The following SRC variants were observed in gnomAD, a reference collection of about 807,000 sequenced individuals.
SRC encodes proto-oncogene tyrosine-protein kinase Src.
SRC carries 13 observed loss-of-function variants against 62.9 expected under a neutral mutation model. That is an observed-to-expected ratio of 0.21 (90% CI 0.13 to 0.33). SRC has a LOEUF of 0.33. Among genes scored for constraint, SRC ranks in the 10% least tolerant of loss-of-function variants. The pLI, the probability that SRC is intolerant of heterozygous loss-of-function variation, is 1.00. For synonymous variants in SRC, 302 were observed against 317.5 expected, an observed-to-expected ratio of 0.95 and a Z score of 0.52; for missense variants, 457 against 737.3, an observed-to-expected ratio of 0.62 and a Z score of 4.40.
At chr20:37,373,403 ATACGCATATATACGCATATATGCGTG>A (rs1329885785) in intron 2 of SRC, among the ~76,000 whole-genome samples, 4 of 150,680 alleles carry the variant, frequency 2.7e-5, no homozygotes, top group African/African-American at 9.9e-5. Context: ...ATGCGTATAT[ATACGCATATATACGCATATATGCGTG>A]TATATACGCA....
chr20:37,375,237 CT>C (rs113896638), intron 2 of SRC, among the ~76,000 whole-genome samples: 131 of 139,068 alleles, frequency 9.4e-4, no homozygotes, highest in Admixed American at 1.1e-3. Context: ...GGCCTCTTTC[CT>C]TTTTTTTTTT....
chr20:37,359,377 C>T (rs770298670), intron 1 of SRC, among the ~76,000 whole-genome samples: 28 of 152,254 alleles, frequency 1.8e-4, no homozygotes, highest in Non-Finnish European at 3.7e-4. Flanking sequence ...AATAAGGAAA[C>T]TGCACACACA....
chr20:37,396,385 C>A lies in SRC; in HGVS notation c.703+74C>A. ...CAGACTCTGGGGAGGGGCCTTGGAGCCTAGAAGGGTGGGGACTTCTGTTAT... is the reference window on the plus strand; with the variant it reads ...CAGACTCTGGGGAGGGGCCTTGGAGACTAGAAGGGTGGGGACTTCTGTTAT... On this transcript the variant is annotated intron_variant, in intron 8 of 13. Transcript: ENST00000373578. This position sits in a 1 kb window ranked among gnomAD's most constrained non-coding sequence, Gnocchi z 6.1. 6.4e-7 allele frequency: 1 copy of A among 1,567,914 alleles called. No homozygotes were observed. Among genetic ancestry groups the A allele is most frequent in the Non-Finnish European group, 8.7e-7 (1 of 1,155,946 alleles).
At chr20:37,361,062 G>C (rs2069961655) in intron 1 of SRC, among the ~76,000 whole-genome samples, 1 of 152,030 alleles carries the variant, frequency 6.6e-6, no homozygotes, top group Non-Finnish European at 1.5e-5. Flanking sequence ...GTCAGGTACT[G>C]CCTGTGGTCA....
intron 2 of SRC, among the ~76,000 whole-genome samples, chr20:37,370,673 T>C (rs1031838352): frequency 6.6e-6 from 1 of 152,240 alleles, no homozygotes; most frequent in African/African-American, 2.4e-5. Flanking sequence ...TTTTCTAGTA[T>C]TTTGTAGAAG....
At position 37,396,327 on chromosome 20, in the gene SRC, AGGGCG is replaced by A; in HGVS notation, c.703+18_703+22del. On this transcript the variant is annotated intron_variant, in intron 8 of 13. Transcript: ENST00000373578. The surrounding 1 kb of genome is among the most constrained non-coding windows in gnomAD (Gnocchi z 6.1). ...TACTACTCCAGTGAGCCAGCCTCGGAGGGCGGAGGGCGGGCGGGCAAAGCCTCAGC... is the reference window on the plus strand; with the variant it reads ...TACTACTCCAGTGAGCCAGCCTCGGAGAGGGCGGGCGGGCAAAGCCTCAGC... 3 of 1,600,760 alleles carry A rather than the reference AGGGCG, an allele frequency of 1.9e-6. No homozygotes were observed. The highest frequency in any genetic ancestry group is 2.6e-6 in the Non-Finnish European group (3 of 1,172,612).
At position 37,396,432 on chromosome 20, in the gene SRC, C is replaced by G. The variant is rs2070652198; in HGVS notation, c.703+121C>G. ...TTATCCTGCTTCTCTCCCCACTTCC[C>G]CCTCCCCCCTCCCTTCCTCTCTCCT... On this transcript the variant is annotated intron_variant, in intron 8 of 13. Transcript: ENST00000373578. This position sits in a 1 kb window ranked among gnomAD's most constrained non-coding sequence, Gnocchi z 6.1. 1.8e-6 allele frequency: 2 copies of G among 1,116,994 alleles called. No individual in the cohort carries two copies. Among genetic ancestry groups the G allele is most frequent in the Non-Finnish European group, 2.5e-6 (2 of 794,454 alleles). The allele number at this position is 1,116,994 out of a possible 1,614,324, so 69.2% of individuals were successfully genotyped here.
chr20:37,394,306 A>G, intron 7 of SRC, 29 bp downstream of exon 7: 3 of 1,592,800 alleles, frequency 1.9e-6, no homozygotes, highest in African/African-American at 1.3e-5. Flanking sequence ...GCCAACGGAT[A>G]CTGAGTCTTC....
chr20:37,394,224 A>G lies in SRC; in HGVS notation c.500A>G (p.Asn167Ser). The G allele has an allele frequency of 1.9e-6, 3 of 1,614,090 alleles. No individual in the cohort carries two copies. Among genetic ancestry groups the G allele is most frequent in the Non-Finnish European group, 2.5e-6 (3 of 1,180,038 alleles). The change falls in exon 7 of 14, where the codon AAT becomes AGT. Residue 167 changes from asparagine (N) to serine (S), a missense_variant. Physicochemically the swap from Asn to Ser is conservative, Grantham distance 46 (BLOSUM62 1). Coordinates refer to ENST00000373578, the MANE Select transcript of SRC (RefSeq NM_198291.3). ...TRRESERLLL[N>S]AENPRGTFLV... is the part of the protein sequence containing the mutation. ...CGGGAGTCAGAGCGGTTACTGCTCA[A>G]TGCAGAGAACCCGAGAGGGACCTTC...
intron 2 of SRC, among the ~76,000 whole-genome samples, chr20:37,374,032 T>G (rs576814923): frequency 1.1e-5 from 1 of 87,094 alleles, no homozygotes; most frequent in Admixed American, 9.3e-5. Flanking sequence ...AAAACTTGGG[T>G]TTTTTTTTAA....
chr20:37,365,372 G>A (rs1242476784), intron 2 of SRC, 95 bp downstream of exon 2: 1 of 136,540 alleles, frequency 7.3e-6, no homozygotes, highest in African/African-American at 2.8e-5. Flanking sequence ...ACACACACAC[G>A]ACAGGGAAAA....
Position 37,397,862 on chromosome 20 carries a change from C to G in SRC, c.859+8C>G. On this transcript the variant is annotated splice_region_variant and intron_variant, in intron 9 of 13. Coordinates refer to ENST00000373578, the MANE Select transcript of SRC (RefSeq NM_198291.3). The surrounding 1 kb of genome is among the most constrained non-coding windows in gnomAD (Gnocchi z 4.1). ...TTGGCGAGGTGTGGATGGGTAAGGC[C>G]TGGCCCCTGCCCTCGGGAGAGGCAT... The G allele has an allele frequency of 6.2e-7, 1 of 1,606,386 alleles. No homozygotes were observed.
At chr20:37,367,948 T>C (rs1415646432) in intron 2 of SRC, among the ~76,000 whole-genome samples, 2 of 152,240 alleles carry the variant, frequency 1.3e-5, no homozygotes, top group African/African-American at 4.8e-5. Flanking sequence ...GAGATTTTTA[T>C]ATATTGTAGA....
chr20:37,391,151 C>T (rs4810600), intron 5 of SRC, among the ~76,000 whole-genome samples: 95 of 152,300 alleles, frequency 6.2e-4, no homozygotes, highest in Admixed American at 5.0e-3. Context: ...CCCCAGAGGC[C>T]GGCCAGCCTG....
chr20:37,396,041 C>A lies in SRC; in HGVS notation c.554-121C>A. ...GCTGGCTGTTGAGAGACAGGGTGGGCCTGGGGCCCCGCCTGGGCCTCCCTT... is the reference window on the plus strand; with the variant it reads ...GCTGGCTGTTGAGAGACAGGGTGGGACTGGGGCCCCGCCTGGGCCTCCCTT... On this transcript the variant is annotated intron_variant, in intron 7 of 13. Transcript: ENST00000373578. The surrounding 1 kb of genome is among the most constrained non-coding windows in gnomAD (Gnocchi z 6.1). The A allele has an allele frequency of 7.0e-7, 1 of 1,434,684 alleles. No individual in the cohort carries two copies. The highest frequency in any genetic ancestry group is 9.4e-7 in the Non-Finnish European group (1 of 1,068,670). 88.9% of individuals were successfully genotyped at this position (1,434,684 alleles called of 1,614,324 possible).
intron 1 of SRC, among the ~76,000 whole-genome samples, chr20:37,357,101 T>A (rs2146919876): frequency 6.6e-6 from 1 of 152,288 alleles, no homozygotes; most frequent in South Asian, 2.1e-4. Context: ...CGGCTTCCGG[T>A]CTACCCTGGG....
intron 2 of SRC, among the ~76,000 whole-genome samples, chr20:37,369,756 T>A (rs1470264671): frequency 6.6e-6 from 1 of 152,080 alleles, no homozygotes; most frequent in Non-Finnish European, 1.5e-5. Flanking sequence ...TTAAGTAGGA[T>A]GTTAGCTCTG....
intron 2 of SRC, among the ~76,000 whole-genome samples, chr20:37,368,373 G>A (rs1456241241): frequency 2.0e-5 from 3 of 151,838 alleles, no homozygotes; most frequent in Non-Finnish European, 2.9e-5. Context: ...AGCTGAGATC[G>A]CACCATTTTA....
intron 1 of SRC, among the ~76,000 whole-genome samples, chr20:37,361,992 TAGAGATGCTGGGGTCTCTGTGTGCAGGC>T (rs1348151177): frequency 3.3e-5 from 5 of 151,738 alleles, no homozygotes; most frequent in African/African-American, 4.9e-5. Context: ...TGTGTGCAGG[TAGAGATGCTGGGGTCTCTGTGTGCAGGC>T]AGAGATGCTG....
Sources: allele counts gnomAD v4.1 joint callset (sites outside exome capture counted in the v4.1 genomes callset), GRCh38; gene constraint gnomAD v4.1.1; non-coding constraint Gnocchi (gnomAD v3.1); transcripts MANE v1.5; gene names NCBI Gene and HGNC (gene_info 2026-07-23, HGNC 2026-07-21).